BCL2L1: variants seen among roughly 807,000 people sequenced by gnomAD.
BCL2L1 encodes the protein BCL2 like 1.
In BCL2L1, 1 loss-of-function variant was observed where a neutral mutation model predicts 18.7. That is an observed-to-expected ratio of 0.05 (90% CI 0.02 to 0.25). BCL2L1 has a LOEUF of 0.25. Among genes scored for constraint, BCL2L1 ranks in the 10% least tolerant of loss-of-function variants. The probability of loss-of-function intolerance (pLI) is 1.00; values close to 1 mark genes in which losing one functional copy is unlikely to be tolerated. For synonymous variants in BCL2L1, 103 were observed against 122.7 expected (o/e 0.84, Z 1.06); for missense variants, 207 against 304.9 (o/e 0.68, Z 2.39).
intron 2 of BCL2L1, among the ~76,000 whole-genome samples, chr20:31,717,933 C>G (rs541039453): frequency 5.3e-5 from 8 of 152,242 alleles, no homozygotes; most frequent in African/African-American, 1.7e-4. Flanking sequence ...ACACTTGTGT[C>G]CCTTCGGGGA....
Position 31,696,504 on chromosome 20 carries a change from G to A in BCL2L1, c.564+25151C>T, listed in dbSNP as rs2061173481. ...TGGGCAGTTGAAACCCAGGTTCGGT[G>A]TACTCTAGGGCACTTACTTCTAGGT... is the stretch of plus-strand genomic sequence containing the variant. On this transcript the variant is annotated intron_variant, in intron 2 of 2. Transcript: ENST00000307677. 2.6e-5 allele frequency among the ~76,000 whole-genome samples: 4 copies of A among 152,332 alleles called. No individual in the cohort carries two copies. The South Asian group carries it at 8.3e-4, about 32-fold the overall frequency.
intron 2 of BCL2L1, among the ~76,000 whole-genome samples, chr20:31,700,697 T>C (rs1401500073): frequency 1.3e-5 from 2 of 152,226 alleles, no homozygotes; most frequent in Non-Finnish European, 2.9e-5. Flanking sequence ...TTCTGTGAAG[T>C]CCTTCCCTCA....
intron 2 of BCL2L1, among the ~76,000 whole-genome samples, chr20:31,709,567 C>G (rs1251592348): frequency 2.0e-5 from 3 of 151,990 alleles, no homozygotes; most frequent in Non-Finnish European, 4.4e-5. Flanking sequence ...GGTGCGGTGG[C>G]TCATGCCTGT....
chr20:31,713,883 C>G (rs1481654000), intron 2 of BCL2L1, among the ~76,000 whole-genome samples: 1 of 152,188 alleles, frequency 6.6e-6, no homozygotes, highest in Non-Finnish European at 1.5e-5. Flanking sequence ...CCTCTTCCTC[C>G]TGATGTAACC....
intron 2 of BCL2L1, among the ~76,000 whole-genome samples, chr20:31,695,189 A>G (rs1198194526): frequency 6.6e-6 from 1 of 152,204 alleles, no homozygotes; most frequent in African/African-American, 2.4e-5. Context: ...AACTGCTGTT[A>G]TCACCCACCT....
chr20:31,713,238 G>T, intron 2 of BCL2L1: 1 of 977,406 alleles, frequency 1.0e-6, no homozygotes, highest in South Asian at 4.7e-5. Context: ...TAGGGTAGGG[G>T]GTAATGGCCT....
chr20:31,712,854 C>T (rs1260075498), intron 2 of BCL2L1, among the ~76,000 whole-genome samples: 2 of 151,878 alleles, frequency 1.3e-5, no homozygotes, highest in East Asian at 3.9e-4. Context: ...TAGTTGAGTG[C>T]GTTCCAATCC....
At chr20:31,699,074 T>A (rs1268678463) in intron 2 of BCL2L1, among the ~76,000 whole-genome samples, 1 of 152,204 alleles carries the variant, frequency 6.6e-6, no homozygotes, top group African/African-American at 2.4e-5. Context: ...TAAATGTAGG[T>A]GGACAAGAGG....
chr20:31,700,652 C>T (rs142039052), intron 2 of BCL2L1, among the ~76,000 whole-genome samples: 2 of 152,216 alleles, frequency 1.3e-5, no homozygotes, highest in Middle Eastern at 3.2e-3. Flanking sequence ...CTCTTTTCTC[C>T]GCTTTGTGGT....
At chr20:31,686,469 A>C (rs2060957304) in intron 2 of BCL2L1, 1 of 152,244 alleles carries the variant, frequency 6.6e-6, no homozygotes, top group African/African-American at 2.4e-5. Context: ...GCACTAGACA[A>C]ACTTTAGTTA....
chr20:31,704,943 G>A (rs868649257), intron 2 of BCL2L1, among the ~76,000 whole-genome samples: 1 of 152,224 alleles, frequency 6.6e-6, no homozygotes, highest in Non-Finnish European at 1.5e-5. Context: ...CTCTGGGGGT[G>A]CAAGGTGATT....
chr20:31,696,978 T>C (rs6060768), intron 2 of BCL2L1, among the ~76,000 whole-genome samples: 62,313 of 147,658 alleles, frequency 0.42, 16,726 homozygotes, highest in African/African-American at 0.77. Flanking sequence ...ATCACTTGAA[T>C]CCAGGAGGCG....
intron 2 of BCL2L1, among the ~76,000 whole-genome samples, chr20:31,682,141 C>T (rs1286064920): frequency 6.6e-6 from 1 of 152,210 alleles, no homozygotes; most frequent in African/African-American, 2.4e-5. Context: ...GACTGACTGA[C>T]TGAGTGAATG....
chr20:31,684,259 C>T (rs777695793), intron 2 of BCL2L1, among the ~76,000 whole-genome samples: 1 of 152,180 alleles, frequency 6.6e-6, no homozygotes, highest in Non-Finnish European at 1.5e-5. Context: ...CCTAGCAAGG[C>T]ATAGAGCTAG....
intron 2 of BCL2L1, among the ~76,000 whole-genome samples, chr20:31,710,088 C>G (rs1397919754): frequency 6.6e-6 from 1 of 152,146 alleles, no homozygotes; most frequent in Non-Finnish European, 1.5e-5. Flanking sequence ...ATATCAGACA[C>G]CGTGTGAGGT....
chr20:31,671,549 G>A (rs2060668353), intron 2 of BCL2L1, among the ~76,000 whole-genome samples: 1 of 151,992 alleles, frequency 6.6e-6, no homozygotes, highest in South Asian at 2.1e-4. Flanking sequence ...CCAACCTCTG[G>A]GATGAATGTC....
intron 2 of BCL2L1, among the ~76,000 whole-genome samples, chr20:31,666,983 C>T (rs768881771): frequency 3.3e-5 from 5 of 152,152 alleles, no homozygotes; most frequent in Non-Finnish European, 7.3e-5. Flanking sequence ...TATGAGTAAG[C>T]GTAGTACCCA....
chr20:31,687,676 C>CAAAAAAAA (rs60094670), intron 2 of BCL2L1, among the ~76,000 whole-genome samples: 1 of 81,492 alleles, frequency 1.2e-5, no homozygotes, highest in Non-Finnish European at 2.5e-5. Flanking sequence ...GACTCTGTCT[C>CAAAAAAAA]AAAAAAAAAA....
chr20:31,703,885 C>T (rs1439316523), intron 2 of BCL2L1, among the ~76,000 whole-genome samples: 1 of 150,614 alleles, frequency 6.6e-6, no homozygotes, highest in Non-Finnish European at 1.5e-5. Flanking sequence ...GCAACCTCTG[C>T]CTCCCAGGTT....
Sources: gnomAD v4.1 joint callset for allele counts (sites outside exome capture counted in the v4.1 genomes callset) on GRCh38, gnomAD v4.1.1 for gene constraint, MANE v1.5 for transcripts, NCBI Gene and HGNC (gene_info 2026-07-23, HGNC 2026-07-21) for gene names.